ZDHHC11B: variants seen among roughly 807,000 people sequenced by gnomAD.
The protein encoded by ZDHHC11B is probable palmitoyltransferase ZDHHC11B.
Under a neutral mutation model 42.3 loss-of-function variants are expected in ZDHHC11B, and 17 were observed. That is an observed-to-expected ratio of 0.40 (90% CI 0.27 to 0.60). The LOEUF (loss-of-function observed/expected upper bound fraction) is 0.60. Ranked by LOEUF, ZDHHC11B falls within the 20% of genes least tolerant of loss-of-function variation. The pLI is 0.41. For missense variants in ZDHHC11B, 262 were observed against 463.2 expected (o/e 0.57, Z 3.99); for synonymous variants, 123 against 193.5 (o/e 0.64, Z 3.02).
In ZDHHC11B at chr5:766,854, C is replaced by G. The variant is rs773109961; in HGVS notation, c.66G>C (p.Leu22=). The G allele has an allele frequency of 5.0e-6, 8 of 1,612,758 alleles. No individual in the cohort carries two copies. Among genetic ancestry groups the G allele is most frequent in the Middle Eastern group, 1.7e-4 (1 of 6,060 alleles). ...CTCTGGAGATGCGGGGCGGCAAGAC[C>G]AGCTCTTCATTGTTGCGTATGGCTT... ...TPEAIRNNEE[L]VLPPRISRVN... Residue 22 remains leucine, a synonymous_variant, in exon 4 of 14, where the codon CTG becomes CTC. Transcript: ENST00000508859.
chr5:761,605 T>G (rs1734620552), intron 4 of ZDHHC11B, among the ~76,000 whole-genome samples: 1 of 151,892 alleles, frequency 6.6e-6, no homozygotes, highest in African/African-American at 2.4e-5. Flanking sequence ...GCTGGCAGTG[T>G]GTGCCGGGTG....
At chr5:767,800 G>C (rs1198330708) in intron 2 of ZDHHC11B, among the ~76,000 whole-genome samples, 1 of 54,692 alleles carries the variant, frequency 1.8e-5, no homozygotes, top group African/African-American at 5.9e-5. Flanking sequence ...CAAAAGAGCT[G>C]TGTGGAAACG....
At chr5:770,088 T>G (rs561452776) in intron 1 of ZDHHC11B, among the ~76,000 whole-genome samples, 182 of 151,600 alleles carry the variant, frequency 1.2e-3, no homozygotes, top group African/African-American at 4.2e-3. Flanking sequence ...GTTGGCAGCT[T>G]TGGCAGGCTT....
In ZDHHC11B at chr5:737,754, C is replaced by G. The variant is rs528288349; in HGVS notation, c.935+3840G>C. Among the ~76,000 whole-genome samples the G allele has an allele frequency of 3.3e-5, 5 of 149,394 alleles. No individual in the cohort carries two copies. The East Asian group carries it at 1.0e-3, about 31-fold the overall frequency. On this transcript the variant is annotated intron_variant, in intron 10 of 13. Coordinates refer to ENST00000508859, the MANE Select transcript of ZDHHC11B (RefSeq NM_001351303.2). ...AAAGCATCTGACAAACTCTGCCATC[C>G]CTTTATAATAGAACACTCATCAAAA... is the stretch of plus-strand genomic sequence containing the variant.
At chr5:771,163 C>G (rs1009380650) in intron 1 of ZDHHC11B, among the ~76,000 whole-genome samples, 2 of 151,846 alleles carry the variant, frequency 1.3e-5, no homozygotes, top group Admixed American at 1.3e-4. Flanking sequence ...GTGTCCCAAC[C>G]CTGGGACTCA....
At chr5:774,441 C>A (rs1736298661) in intron 1 of ZDHHC11B, among the ~76,000 whole-genome samples, 2 of 152,302 alleles carry the variant, frequency 1.3e-5, no homozygotes, top group Admixed American at 1.3e-4. Context: ...GGGGTTCTCA[C>A]TAGGACCAGG....
At chr5:719,069 G>C (rs1238300039) in intron 12 of ZDHHC11B, among the ~76,000 whole-genome samples, 1 of 151,778 alleles carries the variant, frequency 6.6e-6, no homozygotes, top group Non-Finnish European at 1.5e-5. Flanking sequence ...TTCACTAACT[G>C]GTCATAGAGA....
chr5:753,031 G>A (rs1745986174), intron 6 of ZDHHC11B, among the ~76,000 whole-genome samples: 2 of 125,992 alleles, frequency 1.6e-5, no homozygotes, highest in South Asian at 3.5e-4. Context: ...CTCTTGGTTA[G>A]CACAGCCTCC....
At chr5:749,929 C>A (rs1394662458) in intron 7 of ZDHHC11B, among the ~76,000 whole-genome samples, 1 of 122,910 alleles carries the variant, frequency 8.1e-6, no homozygotes, top group East Asian at 3.1e-4. Flanking sequence ...GCTTCAGAAG[C>A]GGCTGTGAGG....
chr5:718,695 CAAA>C (rs34009409), intron 12 of ZDHHC11B, among the ~76,000 whole-genome samples: 6 of 117,164 alleles, frequency 5.1e-5, no homozygotes, highest in Non-Finnish European at 5.2e-5. Context: ...GACTCTGTCT[CAAA>C]AAAAAAAAAA....
At chr5:761,003 A>G (rs572347334) in intron 4 of ZDHHC11B, among the ~76,000 whole-genome samples, 57 of 151,956 alleles carry the variant, frequency 3.8e-4, no homozygotes, top group African/African-American at 1.3e-3. Context: ...AGGAGATACC[A>G]GCAGCTGCCA....
intron 6 of ZDHHC11B, among the ~76,000 whole-genome samples, chr5:754,715 G>A (rs1181248228): frequency 9.1e-6 from 1 of 109,318 alleles, no homozygotes; most frequent in African/African-American, 2.9e-5. Context: ...CCAGGACAGC[G>A]TGGTCAGGAG....
In ZDHHC11B at chr5:732,527, A is replaced by C. The variant is rs1185169290; in HGVS notation, c.1023+1225T>G. 5.0e-5 allele frequency: 19 copies of C among 383,092 alleles called. 2 individuals are homozygous for C. The highest frequency in any genetic ancestry group is 3.8e-4 in the South Asian group (19 of 50,414). The allele number at this position is 383,092 out of a possible 1,614,324, so 23.7% of individuals were successfully genotyped here. A position where few individuals can be genotyped will look rare whatever the true frequency, so the allele number is the denominator to read the frequency against. The stretch of plus-strand genomic sequence containing the variant: ...GATTGGTTTCCACTGAGTGTCTCCA[A>C]ATCTTTGCTGGAAGTGCAGGCAAGG... On this transcript the variant is annotated intron_variant, in intron 11 of 13. Transcript: ENST00000508859.
At chr5:761,346 C>G (rs1734586224) in intron 4 of ZDHHC11B, among the ~76,000 whole-genome samples, 1 of 151,856 alleles carries the variant, frequency 6.6e-6, no homozygotes, top group African/African-American at 2.4e-5. Context: ...GGCTGCCATG[C>G]AGCTCTGTGG....
intron 10 of ZDHHC11B, among the ~76,000 whole-genome samples, chr5:739,668 G>C (rs1394853787): frequency 6.8e-6 from 1 of 146,594 alleles, no homozygotes; most frequent in Non-Finnish European, 1.5e-5. Context: ...CTGCTAGTGG[G>C]AATGTAAACT....
At chr5:752,072 A>C (rs116045521) in intron 6 of ZDHHC11B, among the ~76,000 whole-genome samples, 2 of 122,632 alleles carry the variant, frequency 1.6e-5, no homozygotes, top group Admixed American at 9.5e-5. Flanking sequence ...AGGAGCACGC[A>C]GGCTGGGTCC....
At chr5:738,817 G>C (rs1743818914) in intron 10 of ZDHHC11B, among the ~76,000 whole-genome samples, 1 of 150,312 alleles carries the variant, frequency 6.7e-6, no homozygotes, top group Admixed American at 6.6e-5. Context: ...CTTAAGACCT[G>C]AAAGCAAAAT....
intron 6 of ZDHHC11B, among the ~76,000 whole-genome samples, chr5:751,753 C>G (rs1403410683): frequency 1.6e-5 from 2 of 126,108 alleles, no homozygotes; most frequent in African/African-American, 5.1e-5. Context: ...GACGCCCCCC[C>G]AGGTCTCCAG....
rs1741276416 is a variant in ZDHHC11B at position 710,516 on chromosome 5, G to GA, written c.*1773dup. 1 of 154,950 alleles carries GA rather than the reference G, an allele frequency of 6.5e-6. No individual in the cohort carries two copies. The highest frequency in any genetic ancestry group is 2.0e-4 in the South Asian group (1 of 4,902). The allele number at this position is 154,950 out of a possible 1,614,324, so 9.6% of individuals were successfully genotyped here. On this transcript the variant is annotated 3_prime_UTR_variant, in exon 14 of 14. Coordinates refer to ENST00000508859, the MANE Select transcript of ZDHHC11B (RefSeq NM_001351303.2). ...TAAGATAAGAAGTCTGGGCTAGACT[G>GA]AAAAACTCAGAATCCAGGTCTGGGG... is the stretch of plus-strand genomic sequence containing the variant.
Sources: allele counts gnomAD v4.1 joint callset (sites outside exome capture counted in the v4.1 genomes callset), GRCh38; gene constraint gnomAD v4.1.1; transcripts MANE v1.5; gene names NCBI Gene and HGNC (gene_info 2026-07-23, HGNC 2026-07-21).